SPOCK3: variants seen among roughly 807,000 people sequenced by gnomAD.
SPOCK3 encodes the protein testican-3.
In SPOCK3, 30 loss-of-function variants were observed where a neutral mutation model predicts 56.6. That is an observed-to-expected ratio of 0.53 (90% CI 0.40 to 0.72). The LOEUF is 0.72. Ranked by LOEUF, SPOCK3 falls within the 30% of genes least tolerant of loss-of-function variation. SPOCK3 has a pLI of 0.00. For missense variants in SPOCK3, 527 were observed against 530.0 expected, an observed-to-expected ratio of 0.99 and a Z score of 0.06; for synonymous variants, 196 against 183.3, an observed-to-expected ratio of 1.07 and a Z score of -0.56.
intron 6 of SPOCK3, among the ~76,000 whole-genome samples, chr4:166,823,947 A>T (rs1271992633): frequency 6.6e-6 from 1 of 151,914 alleles, no homozygotes; most frequent in East Asian, 1.9e-4. Context: ...ACCTCACCCA[A>T]CAGCTGTTAT....
At chr4:166,743,512 C>A (rs374389525) in intron 8 of SPOCK3, among the ~76,000 whole-genome samples, 1 of 152,082 alleles carries the variant, frequency 6.6e-6, no homozygotes, top group African/African-American at 2.4e-5. Context: ...CAAACAGGAA[C>A]AGCTCCAGTC....
At chr4:166,790,866 C>A (rs2126650241) in intron 7 of SPOCK3, among the ~76,000 whole-genome samples, 1 of 152,246 alleles carries the variant, frequency 6.6e-6, no homozygotes, top group African/African-American at 2.4e-5. Context: ...GAACATGAAT[C>A]TTTAAAAAAT....
chr4:166,900,200 T>C (rs533958947), intron 5 of SPOCK3, among the ~76,000 whole-genome samples: 31 of 152,316 alleles, frequency 2.0e-4, no homozygotes, highest in African/African-American at 7.5e-4. Context: ...CTGTGTCATA[T>C]GTTTAGCTCT....
chr4:166,820,485 C>A (rs1744815240), intron 6 of SPOCK3, among the ~76,000 whole-genome samples: 1 of 151,696 alleles, frequency 6.6e-6, no homozygotes, highest in African/African-American at 2.4e-5. Flanking sequence ...GATTTATGGT[C>A]AATTGATTTT....
chr4:166,915,049 C>A (rs991967831), intron 4 of SPOCK3, among the ~76,000 whole-genome samples: 20 of 151,694 alleles, frequency 1.3e-4, no homozygotes, highest in South Asian at 6.2e-4. Context: ...ATATAATCAC[C>A]AACAATATAC....
chr4:166,802,326 G>C (rs1157772542), intron 6 of SPOCK3, among the ~76,000 whole-genome samples: 1 of 152,130 alleles, frequency 6.6e-6, no homozygotes, highest in Non-Finnish European at 1.5e-5. Context: ...AAGGGAAAAG[G>C]ATCAGCATGT....
intron 3 of SPOCK3, among the ~76,000 whole-genome samples, chr4:167,059,274 G>C (rs1446056145): frequency 1.3e-5 from 2 of 152,070 alleles, no homozygotes; most frequent in Admixed American, 6.5e-5. Context: ...CTAATATCCA[G>C]AATCTACAAA....
intron 4 of SPOCK3, among the ~76,000 whole-genome samples, chr4:166,980,461 A>G (rs1042163144): frequency 2.0e-5 from 3 of 152,226 alleles, no homozygotes; most frequent in Non-Finnish European, 4.4e-5. Context: ...GGCTGGTGGT[A>G]TCAGCCTTTG....
intron 8 of SPOCK3, among the ~76,000 whole-genome samples, chr4:166,746,778 G>A (rs557687353): frequency 1.3e-5 from 2 of 152,148 alleles, no homozygotes; most frequent in Admixed American, 1.3e-4. Flanking sequence ...TCAAATAGAT[G>A]CAATAAAAAA....
At chr4:167,005,210 TC>T (rs1182517112) in intron 3 of SPOCK3, among the ~76,000 whole-genome samples, 1 of 152,008 alleles carries the variant, frequency 6.6e-6, no homozygotes, top group African/African-American at 2.4e-5. Flanking sequence ...TTCTTTTTTT[TC>T]TTTATTCTTT....
intron 3 of SPOCK3, among the ~76,000 whole-genome samples, chr4:167,015,442 C>T (rs533413345): frequency 2.0e-3 from 297 of 152,152 alleles, no homozygotes; most frequent in Middle Eastern, 6.8e-3. Context: ...ATTTTTAGAA[C>T]CTAGTTTACA....
At chr4:167,205,017 T>C (rs1459733409) in intron 2 of SPOCK3, among the ~76,000 whole-genome samples, 1 of 145,216 alleles carries the variant, frequency 6.9e-6, no homozygotes, top group African/African-American at 2.6e-5. Flanking sequence ...TTTTTTTTGG[T>C]AGAGAAGGTG....
chr4:166,817,207 G>C (rs369995507), intron 6 of SPOCK3, among the ~76,000 whole-genome samples: 3 of 152,084 alleles, frequency 2.0e-5, no homozygotes, highest in South Asian at 2.1e-4. Context: ...CCTGTATAGT[G>C]TGTTGCACTA....
At chr4:166,997,620 A>G (rs1434386562) in intron 4 of SPOCK3, among the ~76,000 whole-genome samples, 1 of 152,204 alleles carries the variant, frequency 6.6e-6, no homozygotes, top group Non-Finnish European at 1.5e-5. Flanking sequence ...ATCTGGGTAC[A>G]CAGCAGTAAA....
At chr4:166,939,391 T>A (rs185378461) in intron 4 of SPOCK3, among the ~76,000 whole-genome samples, 1 of 152,084 alleles carries the variant, frequency 6.6e-6, no homozygotes, top group Non-Finnish European at 1.5e-5. Context: ...TCAGCATAAA[T>A]AAAATAATAA....
At chr4:166,747,589 T>C (rs1045062785) in intron 8 of SPOCK3, among the ~76,000 whole-genome samples, 5 of 152,064 alleles carry the variant, frequency 3.3e-5, no homozygotes, top group Non-Finnish European at 2.9e-5. Flanking sequence ...CAGGGATGCC[T>C]TCTCTCACTA....
chr4:167,205,336 A>G (rs1164425870), intron 2 of SPOCK3, among the ~76,000 whole-genome samples: 2 of 44,086 alleles, frequency 4.5e-5, no homozygotes, highest in Non-Finnish European at 7.3e-5. Context: ...AATATATATT[A>G]TATATTATAT....
In SPOCK3 at chr4:167,000,433, T is replaced by C; in HGVS notation, c.266A>G (p.Lys89Arg). The C allele has an allele frequency of 6.2e-7, 1 of 1,604,536 alleles. No homozygotes were observed. The highest frequency in any genetic ancestry group is 8.5e-7 in the Non-Finnish European group (1 of 1,173,988). The change falls in exon 4 of 11, where the codon AAG becomes AGG. Residue 89 changes from lysine to arginine, a missense_variant. By Grantham distance (26) the Lys-to-Arg change is conservative. Transcript: ENST00000357545. ...TACTTTATGGCGACTACATTTCATCTTTAAGCATGGATCCTTAGCTGGATC... is the reference window on the plus strand; with the variant it reads ...TACTTTATGGCGACTACATTTCATCCTTAAGCATGGATCCTTAGCTGGATC... Reference protein sequence around the residue: ...ALDPAKDPCLKMKCSRHKVCI... With the variant: ...ALDPAKDPCLRMKCSRHKVCI...
At chr4:167,158,976 G>C (rs1346888526) in intron 2 of SPOCK3, among the ~76,000 whole-genome samples, 4 of 151,922 alleles carry the variant, frequency 2.6e-5, no homozygotes, top group Non-Finnish European at 4.4e-5. Flanking sequence ...TACATACATA[G>C]TTAGAACAAA....
Sources: allele counts gnomAD v4.1 joint callset (sites outside exome capture counted in the v4.1 genomes callset), GRCh38; gene constraint gnomAD v4.1.1; transcripts MANE v1.5; gene names NCBI Gene and HGNC (gene_info 2026-07-23, HGNC 2026-07-21).